CLEC16A: variants seen among roughly 807,000 people sequenced by gnomAD.
CLEC16A encodes C-type lectin domain containing 16A.
Under a neutral mutation model 109.5 loss-of-function variants are expected in CLEC16A, and 51 were observed. That is an observed-to-expected ratio of 0.47 (90% CI 0.37 to 0.59). The LOEUF is 0.59. CLEC16A is among the 20% of genes least tolerant of loss of function. The probability of loss-of-function intolerance (pLI) is 0.00; values close to 1 mark genes in which losing one functional copy is unlikely to be tolerated. For missense variants in CLEC16A, 1,339 were observed against 1,394.0 expected (o/e 0.96, Z 0.63); for synonymous variants, 673 against 564.2 (o/e 1.19, Z -2.73).
At chr16:11,129,087 C>G (rs1024933564) in intron 22 of CLEC16A, among the ~76,000 whole-genome samples, 4 of 152,176 alleles carry the variant, frequency 2.6e-5, no homozygotes, top group African/African-American at 9.7e-5. Context: ...TCACTCTAGC[C>G]CCAACCCCAG....
chr16:11,049,341 T>C (rs1174124098), intron 17 of CLEC16A, among the ~76,000 whole-genome samples: 1 of 152,086 alleles, frequency 6.6e-6, no homozygotes, highest in Non-Finnish European at 1.5e-5. Flanking sequence ...GGGGGATCCC[T>C]ACCTCATAGC....
intron 18 of CLEC16A, among the ~76,000 whole-genome samples, chr16:11,057,228 C>T: frequency 6.6e-6 from 1 of 152,336 alleles, no homozygotes; most frequent in Non-Finnish European, 1.5e-5. Flanking sequence ...ACTTTCACAG[C>T]TACATGGCCT....
At chr16:11,093,590 G>C (rs917720880) in intron 19 of CLEC16A, among the ~76,000 whole-genome samples, 2 of 152,190 alleles carry the variant, frequency 1.3e-5, no homozygotes, top group Non-Finnish European at 2.9e-5. Flanking sequence ...AAATGAATCT[G>C]TCTTAAAGCA....
intron 19 of CLEC16A, among the ~76,000 whole-genome samples, chr16:11,090,200 A>G (rs911103681): frequency 6.6e-6 from 1 of 152,150 alleles, no homozygotes; most frequent in Non-Finnish European, 1.5e-5. Context: ...TGCGTCAGTC[A>G]TGGGAGTGAG....
In CLEC16A at chr16:11,003,168, A is replaced by G; in HGVS notation, c.1166A>G (p.Lys389Arg). ...CACAAGGGCAAGAGGCGGGTGCAAA[A>G]GAGACCCAACTACAAAAACGTTGGG... ...NKHKGKRRVQ[K>R]RPNYKNVGEE... Residue 389 changes from lysine (K) to arginine (R), a missense_variant, in exon 11 of 24, where the codon AAG (lysine) becomes AGG (arginine). By Grantham distance (26) the Lys-to-Arg change is conservative. This residue lies in a region of CLEC16A where 1,061 missense variants were observed against 1,006.8 expected (regional missense o/e 1.05). Transcript: ENST00000409790. 1 of 1,613,568 alleles carries G rather than the reference A, an allele frequency of 6.2e-7. No individual in the cohort carries two copies. The highest frequency in any genetic ancestry group is 8.5e-7 in the Non-Finnish European group (1 of 1,179,842).
intron 10 of CLEC16A, among the ~76,000 whole-genome samples, chr16:10,999,294 T>A (rs1392544537): frequency 3.3e-5 from 5 of 152,110 alleles, no homozygotes; most frequent in African/African-American, 1.2e-4. Flanking sequence ...CCAAAAGGTA[T>A]AAAATAAAAA....
chr16:11,092,401 C>T (rs1022121187), intron 19 of CLEC16A, among the ~76,000 whole-genome samples: 14 of 144,574 alleles, frequency 9.7e-5, no homozygotes, highest in African/African-American at 7.9e-5. Context: ...CACACACACA[C>T]ATGCCAGGTG....
intron 16 of CLEC16A, 28 bp from the exon 17 acceptor site, chr16:11,047,261 TCTC>T (rs778682902): frequency 1.3e-6 from 2 of 1,584,200 alleles, no homozygotes; most frequent in African/African-American, 1.4e-5. Context: ...ATATGAATAA[TCTC>T]CTCTTCCCTC....
intron 23 of CLEC16A, among the ~76,000 whole-genome samples, chr16:11,168,437 G>A (rs193150358): frequency 4.0e-4 from 61 of 152,338 alleles, no homozygotes; most frequent in East Asian, 3.5e-3. Context: ...GCAGGCCTGC[G>A]GAGACAAGTG....
chr16:11,047,386 G>A (rs2047691937), intron 17 of CLEC16A, 44 bp downstream of exon 17: 7 of 1,497,142 alleles, frequency 4.7e-6, no homozygotes, highest in Non-Finnish European at 6.3e-6. Flanking sequence ...GTGCGCCTGT[G>A]TCCCTGCCAA....
intron 11 of CLEC16A, among the ~76,000 whole-genome samples, chr16:11,015,449 C>A (rs948180756): frequency 6.6e-6 from 1 of 152,098 alleles, no homozygotes; most frequent in African/African-American, 2.4e-5. Context: ...TTGGACCAGA[C>A]GGTGGTTTTC....
At chr16:11,175,380 T>C (rs987138160) in intron 23 of CLEC16A, among the ~76,000 whole-genome samples, 6 of 152,182 alleles carry the variant, frequency 3.9e-5, no homozygotes, top group Non-Finnish European at 8.8e-5. Context: ...TTTCTCCAAA[T>C]CCCTCATTTC....
At chr16:11,044,756 C>T (rs2047542956) in intron 16 of CLEC16A, among the ~76,000 whole-genome samples, 1 of 151,730 alleles carries the variant, frequency 6.6e-6, no homozygotes, top group Non-Finnish European at 1.5e-5. Flanking sequence ...CATGGAGAAA[C>T]CCCGTCTCTA....
At chr16:11,149,991 CA>C (rs1228143654) in intron 22 of CLEC16A, 1 of 152,140 alleles carries the variant, frequency 6.6e-6, no homozygotes, top group Admixed American at 6.5e-5. Flanking sequence ...CTCTGAAAAT[CA>C]AAATATTTTT....
chr16:11,093,547 C>A (rs2050435657), intron 19 of CLEC16A, among the ~76,000 whole-genome samples: 1 of 152,196 alleles, frequency 6.6e-6, no homozygotes. Context: ...CCTTTCTCTT[C>A]ATATCTATAC....
At chr16:11,031,967 G>A (rs1400096022) in intron 13 of CLEC16A, among the ~76,000 whole-genome samples, 4 of 152,172 alleles carry the variant, frequency 2.6e-5, no homozygotes, top group African/African-American at 9.7e-5. Flanking sequence ...GCTCAACATG[G>A]GGACTACAAA....
At chr16:11,143,371 G>T (rs1318173475) in intron 22 of CLEC16A, among the ~76,000 whole-genome samples, 1 of 152,184 alleles carries the variant, frequency 6.6e-6, no homozygotes, top group East Asian at 1.9e-4. Flanking sequence ...GGCTGAAGAA[G>T]AGACCTGGTG....
chr16:11,078,902 T>A (rs1329582959), intron 19 of CLEC16A, among the ~76,000 whole-genome samples: 1 of 152,190 alleles, frequency 6.6e-6, no homozygotes, highest in East Asian at 1.9e-4. Flanking sequence ...CTCTCCACTT[T>A]CCTGCATCCG....
chr16:11,143,702 C>T (rs940509032), intron 22 of CLEC16A, among the ~76,000 whole-genome samples: 1 of 152,184 alleles, frequency 6.6e-6, no homozygotes, highest in African/African-American at 2.4e-5. Context: ...GGGTCCCCAT[C>T]GATGTGACAC....
Sources: allele counts gnomAD v4.1 joint callset (sites outside exome capture counted in the v4.1 genomes callset), GRCh38; gene constraint gnomAD v4.1.1; regional missense constraint gnomAD v4.1.1; transcripts MANE v1.5; gene names NCBI Gene and HGNC (gene_info 2026-07-23, HGNC 2026-07-21).